Variants in TLK2 observed in about 807,000 individuals in gnomAD.
TLK2 encodes serine/threonine-protein kinase tousled-like 2.
A neutral mutation model predicts 117.3 loss-of-function variants in TLK2; 6 were observed. The observed-to-expected ratio is 0.05, with a 90% CI of 0.03 to 0.10. TLK2 has a LOEUF of 0.10. Ranked by LOEUF, TLK2 falls within the 10% of genes least tolerant of loss-of-function variation. The pLI, the probability that TLK2 is intolerant of heterozygous loss-of-function variation, is 1.00. For synonymous variants in TLK2, 257 were observed against 316.7 expected, an observed-to-expected ratio of 0.81 and a Z score of 2.00; for missense variants, 299 against 901.2, an observed-to-expected ratio of 0.33 and a Z score of 8.56.
rs191629335 is a variant in TLK2 at position 62,521,230 on chromosome 17, G to T, written c.153+386G>T. ...GACTCTGTGTAAATTGCTCCCCTTT[G>T]AGCTGTGTGCTCTTTGCATACGTAC... On this transcript the variant is annotated intron_variant, in intron 3 of 21. Coordinates refer to ENST00000346027, the MANE Select transcript of TLK2 (RefSeq NM_006852.6). 2.6e-3 allele frequency among the ~76,000 whole-genome samples: 394 copies of T among 152,216 alleles called. 2 individuals are homozygous for T. Among genetic ancestry groups the T allele is most frequent in the African/African-American group, 9.0e-3 (373 of 41,536 alleles).
intron 5 of TLK2, among the ~76,000 whole-genome samples, chr17:62,523,858 G>A (rs1286387604): frequency 6.6e-6 from 1 of 152,218 alleles, no homozygotes; most frequent in Non-Finnish European, 1.5e-5. Context: ...AGTGGAACAT[G>A]TAGTGAGTTC....
intron 2 of TLK2, among the ~76,000 whole-genome samples, chr17:62,504,084 G>T (rs1185660580): frequency 6.6e-6 from 1 of 152,150 alleles, no homozygotes; most frequent in Non-Finnish European, 1.5e-5. Context: ...CCCTATGGGT[G>T]GCAAGTTATT....
At chr17:62,568,431 C>CAAAAA (rs57725124) in intron 11 of TLK2, among the ~76,000 whole-genome samples, 1 of 57,374 alleles carries the variant, frequency 1.7e-5, no homozygotes. Context: ...GACCCTGTCT[C>CAAAAA]AAAAAAAAAA....
At chr17:62,511,192 C>T (rs1490654280) in intron 2 of TLK2, among the ~76,000 whole-genome samples, 1 of 152,184 alleles carries the variant, frequency 6.6e-6, no homozygotes, top group Non-Finnish European at 1.5e-5. Flanking sequence ...ACATGTGTAG[C>T]TTGTAACCAC....
At chr17:62,517,959 A>G (rs1371595679) in intron 2 of TLK2, among the ~76,000 whole-genome samples, 26 of 152,146 alleles carry the variant, frequency 1.7e-4, no homozygotes, top group Admixed American at 1.6e-3. Context: ...CGACCTCCCA[A>G]AGTGCTGGGA....
chr17:62,521,952 C>T (rs1461388845), intron 3 of TLK2, among the ~76,000 whole-genome samples: 2 of 152,164 alleles, frequency 1.3e-5, no homozygotes, highest in African/African-American at 4.8e-5. Flanking sequence ...GGTTTTGTAG[C>T]AGCTCTGATT....
chr17:62,531,031 G>GTCTT (rs1349734718), intron 6 of TLK2, among the ~76,000 whole-genome samples: 1 of 151,950 alleles, frequency 6.6e-6, no homozygotes, highest in African/African-American at 2.4e-5. Flanking sequence ...TGCTTTAAAA[G>GTCTT]TCTTTAGCTA....
chr17:62,612,244 C>T, intron 21 of TLK2, 148 bp from the exon 22 acceptor site: 1 of 730,628 alleles, frequency 1.4e-6, no homozygotes, highest in South Asian at 2.1e-5. Flanking sequence ...TTCTTTGGGT[C>T]TGCCTGGTGA....
chr17:62,553,955 A>G (rs2078662533), intron 9 of TLK2, among the ~76,000 whole-genome samples, 200 bp downstream of exon 9: 1 of 152,250 alleles, frequency 6.6e-6, no homozygotes, highest in East Asian at 1.9e-4. Flanking sequence ...TGGAAATCTT[A>G]TACTGTAGTG....
intron 7 of TLK2, among the ~76,000 whole-genome samples, chr17:62,544,779 G>A (rs951100569): frequency 1.1e-4 from 16 of 152,120 alleles, no homozygotes; most frequent in Admixed American, 2.0e-4. Context: ...TGTTGAATCC[G>A]TAGATCAATT....
chr17:62,590,184 C>T (rs1477466364), intron 16 of TLK2, among the ~76,000 whole-genome samples: 1 of 150,108 alleles, frequency 6.7e-6, no homozygotes, highest in Non-Finnish European at 1.5e-5. Flanking sequence ...GTAATCCCAG[C>T]ACTTTGGGAG....
chr17:62,499,768 T>C (rs1382593305), intron 2 of TLK2, among the ~76,000 whole-genome samples: 1 of 151,892 alleles, frequency 6.6e-6, no homozygotes, highest in Admixed American at 6.6e-5. Flanking sequence ...TGAGAATTGC[T>C]TGAACCTGGG....
chr17:62,609,929 A>T lies in TLK2; in HGVS notation c.2079+1781A>T, dbSNP rs138302332. 2.3e-3 allele frequency among the ~76,000 whole-genome samples: 357 copies of T among 152,316 alleles called. 1 individual carries two copies. The highest frequency in any genetic ancestry group is 8.2e-3 in the African/African-American group (341 of 41,570). On this transcript the variant is annotated intron_variant, in intron 21 of 21. Transcript: ENST00000346027. ...GCAACACAGTGAGACCCTGTCTCAAAAAAAGAAAAAGAGAAGGGTGGTTGT... is the reference window on the plus strand; with the variant it reads ...GCAACACAGTGAGACCCTGTCTCAATAAAAGAAAAAGAGAAGGGTGGTTGT...
At chr17:62,594,697 C>G (rs2082326573) in intron 16 of TLK2, among the ~76,000 whole-genome samples, 2 of 152,038 alleles carry the variant, frequency 1.3e-5, no homozygotes, top group Admixed American at 1.3e-4. Context: ...TCATTCCCCA[C>G]TCAGGGTTGA....
intron 15 of TLK2, among the ~76,000 whole-genome samples, chr17:62,582,327 C>A (rs1400390563): frequency 1.3e-5 from 2 of 152,036 alleles, no homozygotes; most frequent in African/African-American, 4.8e-5. Context: ...GTGATCTTCA[C>A]CCCTCAGTCT....
intron 7 of TLK2, among the ~76,000 whole-genome samples, chr17:62,537,584 T>C (rs1309822930): frequency 6.6e-6 from 1 of 152,168 alleles, no homozygotes; most frequent in Non-Finnish European, 1.5e-5. Flanking sequence ...GGTGTGTGTG[T>C]GCAACAGAAT....
chr17:62,537,055 C>T lies in TLK2; in HGVS notation c.531+718C>T, dbSNP rs7220953. 5.2e-3 allele frequency among the ~76,000 whole-genome samples: 799 copies of T among 152,318 alleles called. 6 individuals are homozygous for T. Among genetic ancestry groups the T allele is most frequent in the African/African-American group, 0.018 (761 of 41,572 alleles). On this transcript the variant is annotated intron_variant, in intron 7 of 21. Transcript: ENST00000346027. ...GTGCCAGAGTAACAGAAAGCCCCGT[C>T]GCCGTATTCCTATTCCACTTTCAGG...
In TLK2 at chr17:62,500,072, A is replaced by G. The variant is rs183884037; in HGVS notation, c.81+18866A>G. Among the ~76,000 whole-genome samples the G allele has an allele frequency of 6.0e-4, 91 of 151,938 alleles. No homozygotes were observed. In the Middle Eastern group the frequency reaches 0.02, roughly 34 times the overall value. On this transcript the variant is annotated intron_variant, in intron 2 of 21. Transcript: ENST00000346027. ...CCTAGATCGAGTCTTTATTATTATT[A>G]TTTTATTTTTTAAAGAGATGAGGGT...
At chr17:62,485,361 C>G (rs898863493) in intron 2 of TLK2, among the ~76,000 whole-genome samples, 1 of 152,142 alleles carries the variant, frequency 6.6e-6, no homozygotes, top group Non-Finnish European at 1.5e-5. Context: ...GTATAACTTT[C>G]GAGTTTTTTC....
Sources: allele counts gnomAD v4.1 joint callset (sites outside exome capture counted in the v4.1 genomes callset), GRCh38; gene constraint gnomAD v4.1.1; transcripts MANE v1.5; gene names NCBI Gene and HGNC (gene_info 2026-07-23, HGNC 2026-07-21).